NCALD: variants seen among roughly 807,000 people sequenced by gnomAD.
The protein encoded by NCALD is neurocalcin delta, also known as neurocalcin-delta.
NCALD carries 10 observed loss-of-function variants against 18.6 expected under a neutral mutation model. The observed-to-expected ratio is 0.54, with a 90% confidence interval of 0.33 to 0.91. The LOEUF (loss-of-function observed/expected upper bound fraction) is 0.91, where lower values mean the gene tolerates loss of function less well. NCALD is among the 40% of genes least tolerant of loss of function. The pLI is 0.03. For synonymous variants in NCALD, 88 were observed against 87.4 expected (o/e 1.01, Z -0.04); for missense variants, 184 against 247.6 (o/e 0.74, Z 1.72).
intron 2 of NCALD, among the ~76,000 whole-genome samples, chr8:101,978,015 C>A (rs1365254346): frequency 3.3e-5 from 5 of 152,000 alleles, no homozygotes; most frequent in African/African-American, 1.2e-4. Context: ...GCCCCCTCCC[C>A]AACAAGCCCC....
chr8:101,975,333 G>A (rs995361601), intron 2 of NCALD: 3 of 152,160 alleles, frequency 2.0e-5, no homozygotes, highest in East Asian at 3.9e-4. Flanking sequence ...AGTGTGTATA[G>A]GAATCACCTG....
intron 1 of NCALD, among the ~76,000 whole-genome samples, chr8:101,780,904 G>T (rs990077991): frequency 2.6e-5 from 4 of 152,080 alleles, no homozygotes; most frequent in Non-Finnish European, 5.9e-5. Flanking sequence ...CCCTCCTGAT[G>T]GGGATGCTGA....
chr8:102,046,659 C>A (rs1823253870), intron 1 of NCALD, among the ~76,000 whole-genome samples: 1 of 152,138 alleles, frequency 6.6e-6, no homozygotes, highest in African/African-American at 2.4e-5. Context: ...TGTGCTCCAC[C>A]ATGCCCAGCT....
chr8:101,778,358 G>A (rs1395197145), intron 1 of NCALD, among the ~76,000 whole-genome samples: 4 of 152,140 alleles, frequency 2.6e-5, no homozygotes, highest in Admixed American at 6.5e-5. Context: ...ATATGATTGG[G>A]CCAGTCAAAA....
chr8:102,123,878 AC>A (rs1446139480), intron 1 of NCALD: 1 of 152,446 alleles, frequency 6.6e-6, no homozygotes, highest in African/African-American at 2.4e-5. Flanking sequence ...CGCCAGGCTC[AC>A]CAACGCCCCC....
At chr8:102,087,695 C>A (rs559448704) in intron 1 of NCALD, among the ~76,000 whole-genome samples, 1 of 152,140 alleles carries the variant, frequency 6.6e-6, no homozygotes, top group African/African-American at 2.4e-5. Flanking sequence ...TTGCTGACGG[C>A]TATGGGTGAC....
chr8:101,690,854 A>G (rs1349297191), intron 3 of NCALD: 1 of 985,182 alleles, frequency 1.0e-6, no homozygotes, highest in African/African-American at 1.7e-5. Flanking sequence ...GTGATCTCTG[A>G]ACACTTTGCA....
At chr8:101,922,868 A>G (rs2131661651) in intron 2 of NCALD, among the ~76,000 whole-genome samples, 1 of 152,336 alleles carries the variant, frequency 6.6e-6, no homozygotes, top group East Asian at 1.9e-4. Context: ...AACCAATAAT[A>G]AAATAGAATA....
chr8:101,878,025 C>G (rs1326944700), intron 4 of NCALD, among the ~76,000 whole-genome samples: 1 of 152,232 alleles, frequency 6.6e-6, no homozygotes, highest in Non-Finnish European at 1.5e-5. Flanking sequence ...CAAACTGTTA[C>G]TAATTATGGT....
At chr8:101,935,783 CT>C (rs35929551) in intron 2 of NCALD, among the ~76,000 whole-genome samples, 1,323 of 103,498 alleles carry the variant, frequency 0.013, 13 homozygotes, top group South Asian at 0.034. Context: ...TCAAGAGATT[CT>C]TTTTTTTTTT....
intron 3 of NCALD, among the ~76,000 whole-genome samples, chr8:101,899,903 T>G (rs1196878498): frequency 1.3e-5 from 2 of 151,908 alleles, no homozygotes; most frequent in Admixed American, 1.3e-4. Context: ...GGGAAATATT[T>G]CCTCATCTTT....
At chr8:101,805,874 C>T (rs536988767) in intron 4 of NCALD, among the ~76,000 whole-genome samples, 1 of 152,224 alleles carries the variant, frequency 6.6e-6, no homozygotes, top group African/African-American at 2.4e-5. Context: ...ATATCAACCG[C>T]CAGAACTTCA....
chr8:101,895,612 A>T (rs1358853119), intron 3 of NCALD, among the ~76,000 whole-genome samples: 2 of 148,046 alleles, frequency 1.4e-5, no homozygotes, highest in Admixed American at 1.3e-4. Context: ...TATCTAGAAA[A>T]CCCCACTGTC....
At chr8:101,979,491 C>CTA (rs1820539162) in intron 2 of NCALD, among the ~76,000 whole-genome samples, 1 of 152,236 alleles carries the variant, frequency 6.6e-6, no homozygotes, top group South Asian at 2.1e-4. Context: ...AAATAGAGTC[C>CTA]TATAGCACTC....
intron 2 of NCALD, among the ~76,000 whole-genome samples, chr8:101,916,923 C>T (rs1817988791): frequency 6.6e-6 from 1 of 151,850 alleles, no homozygotes. Flanking sequence ...ACTTTAACAC[C>T]CCATTGTCAG....
intron 3 of NCALD, among the ~76,000 whole-genome samples, chr8:101,889,093 G>C (rs1816780376): frequency 6.6e-6 from 1 of 152,174 alleles, no homozygotes; most frequent in Non-Finnish European, 1.5e-5. Flanking sequence ...AAAGGACCCT[G>C]GCATTCACTT....
At chr8:102,047,092 C>A (rs562426758) in intron 1 of NCALD, among the ~76,000 whole-genome samples, 1 of 152,294 alleles carries the variant, frequency 6.6e-6, no homozygotes, top group African/African-American at 2.4e-5. Flanking sequence ...TCTGTTCCTG[C>A]ATTAGTTTGC....
chr8:101,934,686 A>G (rs555718467), intron 2 of NCALD, among the ~76,000 whole-genome samples: 1 of 152,288 alleles, frequency 6.6e-6, no homozygotes, highest in Non-Finnish European at 1.5e-5. Context: ...GGAAAAAAAA[A>G]CAGATTGCAA....
intron 2 of NCALD, among the ~76,000 whole-genome samples, chr8:101,965,198 C>T (rs564872641): frequency 2.6e-5 from 4 of 152,182 alleles, no homozygotes; most frequent in South Asian, 2.1e-4. Context: ...TTGTGGAAGA[C>T]AGTGTGGCGA....
Sources: gnomAD v4.1 joint callset for allele counts (sites outside exome capture counted in the v4.1 genomes callset) on GRCh38, gnomAD v4.1.1 for gene constraint, MANE v1.5 for transcripts, NCBI Gene and HGNC (gene_info 2026-07-23, HGNC 2026-07-21) for gene names.